CARNMT1: variants seen among roughly 807,000 people sequenced by gnomAD.
The protein encoded by CARNMT1 is protein-L-histidine N-pros-methyltransferase CARNMT1.
In CARNMT1, 28 loss-of-function variants were observed where a neutral mutation model predicts 49.6. The observed-to-expected ratio is 0.56, with a 90% CI of 0.42 to 0.77. CARNMT1 has a LOEUF of 0.77. Ranked by LOEUF, CARNMT1 falls within the 30% of genes least tolerant of loss-of-function variation. The probability of loss-of-function intolerance (pLI) is 0.00; values close to 1 mark genes in which losing one functional copy is unlikely to be tolerated. For missense variants in CARNMT1, 421 were observed against 512.6 expected (o/e 0.82, Z 1.73); for synonymous variants, 178 against 175.0 (o/e 1.02, Z -0.13).
At chr9:74,990,992 A>C (rs1832992783) in intron 6 of CARNMT1, among the ~76,000 whole-genome samples, 1 of 152,198 alleles carries the variant, frequency 6.6e-6, no homozygotes, top group Non-Finnish European at 1.5e-5. Flanking sequence ...AAATCTAAAA[A>C]GTTAGGCATA....
chr9:75,011,229 A>G (rs561641987), intron 3 of CARNMT1, among the ~76,000 whole-genome samples: 1 of 152,278 alleles, frequency 6.6e-6, no homozygotes, highest in Admixed American at 6.5e-5. Context: ...AAACAGTGCA[A>G]CCCTTATAGA....
chr9:74,991,473 T>C (rs886458095), intron 6 of CARNMT1: 1 of 151,912 alleles, frequency 6.6e-6, no homozygotes, highest in African/African-American at 2.4e-5. Context: ...AGGGTAGGGG[T>C]TGGAGATGGC....
At chr9:75,028,389 A>T, upstream of CARNMT1, 1 of 1,296,040 alleles carries the variant, frequency 7.7e-7, no homozygotes, top group Non-Finnish European at 9.7e-7. Context: ...TCAGGCCTCC[A>T]TCCGCGCTGG....
intron 1 of CARNMT1, among the ~76,000 whole-genome samples, chr9:75,018,608 T>C (rs535298599): frequency 2.0e-5 from 3 of 152,302 alleles, no homozygotes; most frequent in Admixed American, 2.0e-4. Context: ...CTAGCAATTA[T>C]ATCCTAGAAA....
At chr9:74,992,886 A>C (rs189137406) in intron 6 of CARNMT1, among the ~76,000 whole-genome samples, 86 of 152,330 alleles carry the variant, frequency 5.6e-4, no homozygotes, top group African/African-American at 1.9e-3. Context: ...TTAGGGTAAA[A>C]TCATCCCCAA....
intron 6 of CARNMT1, among the ~76,000 whole-genome samples, chr9:74,992,635 T>C (rs761795629): frequency 3.3e-5 from 5 of 152,360 alleles, no homozygotes; most frequent in Admixed American, 6.5e-5. Flanking sequence ...GACATATGCA[T>C]AATAGTTCCC....
At position 74,982,200 on chromosome 9, in the gene CARNMT1, C is replaced by T. The variant is rs1322643256; in HGVS notation, c.*1567G>A. On this transcript the variant is annotated 3_prime_UTR_variant, in exon 8 of 8. Coordinates refer to ENST00000376834, the MANE Select transcript of CARNMT1 (RefSeq NM_152420.3). ...AGTGACTCCCCAGCCTAAGTGACAACAAAGGTCTAAAGATTTACAAGTAAC... is the reference window on the plus strand; with the variant it reads ...AGTGACTCCCCAGCCTAAGTGACAATAAAGGTCTAAAGATTTACAAGTAAC... 3.3e-5 allele frequency: 5 copies of T among 152,094 alleles called. No individual in the cohort carries two copies. Among genetic ancestry groups the T allele is most frequent in the African/African-American group, 1.2e-4 (5 of 41,416 alleles). The allele number at this position is 152,094 out of a possible 1,614,324, so 9.4% of individuals were successfully genotyped here.
At chr9:75,008,369 T>C (rs1456632161) in intron 3 of CARNMT1, among the ~76,000 whole-genome samples, 1 of 152,202 alleles carries the variant, frequency 6.6e-6, no homozygotes, top group African/African-American at 2.4e-5. Context: ...TCTCACTCTA[T>C]TGCCCAGGCT....
At chr9:74,993,340 T>A (rs1833087810) in intron 6 of CARNMT1, among the ~76,000 whole-genome samples, 1 of 152,100 alleles carries the variant, frequency 6.6e-6, no homozygotes, top group Non-Finnish European at 1.5e-5. Flanking sequence ...AAGGGCTAAG[T>A]CAAAGGACTG....
Position 74,998,700 on chromosome 9 carries a change from T to C in CARNMT1, c.808A>G (p.Ile270Val), listed in dbSNP as rs1437849538. The stretch of plus-strand genomic sequence containing the variant: ...ACATCAGGGAAAAAGATGGGTCGAA[T>C]CTGATCAGCTGATCTCCGGTTATTG... ...FSNNRRSADQIRPIFFPDVDP... is the reference protein window; with the variant it reads ...FSNNRRSADQVRPIFFPDVDP... Residue 270 changes from isoleucine to valine, a missense_variant, in exon 5 of 8, where the codon ATT (isoleucine) becomes GTT (valine). Coordinates refer to ENST00000376834, the MANE Select transcript of CARNMT1 (RefSeq NM_152420.3). 3 of 1,608,082 alleles carry C rather than the reference T, an allele frequency of 1.9e-6. No homozygotes were observed. The highest frequency in any genetic ancestry group is 2.5e-6 in the Non-Finnish European group (3 of 1,176,862).
intron 1 of CARNMT1, chr9:75,027,052 C>T (rs1213988893): frequency 2.3e-6 from 3 of 1,303,246 alleles, no homozygotes; most frequent in Non-Finnish European, 3.0e-6. Flanking sequence ...AACAGGTTTA[C>T]CTGCGTAGGA....
At chr9:75,004,891 T>C (rs947747338) in intron 3 of CARNMT1, among the ~76,000 whole-genome samples, 2 of 152,198 alleles carry the variant, frequency 1.3e-5, no homozygotes, top group Admixed American at 6.5e-5. Flanking sequence ...CTAATGAAAT[T>C]AAGATCTAAA....
intron 1 of CARNMT1, chr9:75,027,024 C>G: frequency 8.1e-7 from 1 of 1,238,472 alleles, no homozygotes; most frequent in African/African-American, 1.5e-5. Context: ...TAAAGCACAG[C>G]AGGAACCCAC....
Position 75,016,333 on chromosome 9 carries a change from T to A in CARNMT1, c.525A>T (p.Ala175=), listed in dbSNP as rs760935443. ...FVRDWSETGK[A]ERDACYQPII... ...TTGGCTGGTAACAGGCATCCCTTTC[T>A]GCTTTCCCAGTTTCACTCCAGTCTC... is the stretch of plus-strand genomic sequence containing the variant. The change falls in exon 3 of 8, where the codon GCA becomes GCT. Residue 175 remains alanine (A), a synonymous_variant. Coordinates refer to ENST00000376834, the MANE Select transcript of CARNMT1 (RefSeq NM_152420.3). 1.2e-6 allele frequency: 2 copies of A among 1,614,064 alleles called. No individual in the cohort carries two copies. The highest frequency in any genetic ancestry group is 2.7e-5 in the African/African-American group (2 of 74,950).
At chr9:74,993,680 A>G (rs1026720812) in intron 6 of CARNMT1, among the ~76,000 whole-genome samples, 1 of 151,880 alleles carries the variant, frequency 6.6e-6, no homozygotes, top group Non-Finnish European at 1.5e-5. Flanking sequence ...CAATATCTAA[A>G]GACATTTTGG....
intron 3 of CARNMT1, among the ~76,000 whole-genome samples, chr9:75,011,586 TTG>T (rs1833692510): frequency 1.3e-5 from 2 of 152,186 alleles, no homozygotes; most frequent in Admixed American, 6.5e-5. Context: ...CAAGTTGGTC[TTG>T]AATTCCTGGC....
intron 1 of CARNMT1, among the ~76,000 whole-genome samples, chr9:75,025,497 G>C (rs1822498069): frequency 6.6e-6 from 1 of 152,130 alleles, no homozygotes. Context: ...ATCTGTGTTT[G>C]TGTAAGTTTT....
rs1035566779 is a variant in CARNMT1 at position 74,983,324 on chromosome 9, T to A, written c.*443A>T. ...AAGTGAACAAAGTCCCAACTCCAGA[T>A]GTTGAATATGACTGAGGATCCTTAG... is the stretch of plus-strand genomic sequence containing the variant. On this transcript the variant is annotated 3_prime_UTR_variant, in exon 8 of 8. Coordinates refer to ENST00000376834, the MANE Select transcript of CARNMT1 (RefSeq NM_152420.3). 1 of 151,846 alleles carries A rather than the reference T, an allele frequency of 6.6e-6. No homozygotes were observed. Among genetic ancestry groups the A allele is most frequent in the African/African-American group, 2.4e-5 (1 of 41,360 alleles). The allele number at this position is 151,846 out of a possible 1,614,324, so 9.4% of individuals were successfully genotyped here.
At chr9:75,016,794 A>G (rs1017120686) in intron 2 of CARNMT1, 2 of 260,882 alleles carry the variant, frequency 7.7e-6, no homozygotes, top group Non-Finnish European at 1.4e-5. Flanking sequence ...GAGTGGCCCA[A>G]CTGTATCCAT....
Sources: allele counts gnomAD v4.1 joint callset (sites outside exome capture counted in the v4.1 genomes callset), GRCh38; gene constraint gnomAD v4.1.1; transcripts MANE v1.5; gene names NCBI Gene and HGNC (gene_info 2026-07-23, HGNC 2026-07-21).